FKBP5: variants seen among roughly 807,000 people sequenced by gnomAD.
FKBP5 encodes the protein peptidyl-prolyl cis-trans isomerase FKBP5.
FKBP5 carries 23 observed loss-of-function variants against 50.5 expected under a neutral mutation model. That is an observed-to-expected ratio of 0.46 (90% CI 0.33 to 0.65). The LOEUF is 0.65. Ranked by LOEUF, FKBP5 falls within the 30% of genes least tolerant of loss-of-function variation. FKBP5 has a pLI of 0.02. For synonymous variants in FKBP5, 176 were observed against 190.6 expected (o/e 0.92, Z 0.63); for missense variants, 411 against 553.1 (o/e 0.74, Z 2.58).
rs968586283 is a variant in FKBP5 at position 35,583,227 on chromosome 6, C to T, written c.841-3006G>A. 8.1e-6 allele frequency: 8 copies of T among 985,302 alleles called. No homozygotes were observed. The South Asian group carries it at 2.3e-4, about 29-fold the overall frequency. 61.0% of individuals were successfully genotyped at this position (985,302 alleles called of 1,614,324 possible). On this transcript the variant is annotated intron_variant, in intron 8 of 10. Coordinates refer to ENST00000357266, the MANE Select transcript of FKBP5 (RefSeq NM_004117.4). ...CTGTCATGCCTCATTTCTTCATCCT[C>T]TCTCCTCCTCCCTCTCTAATGCATT...
Position 35,685,982 on chromosome 6 carries a change from C to CAAAAAAAAAAAAAAAAA in FKBP5, c.-20+2805_-20+2821dup, listed in dbSNP as rs60786619. 4.3e-5 allele frequency among the ~76,000 whole-genome samples: 2 copies of CAAAAAAAAAAAAAAAAA among 46,244 alleles called. 1 individual carries two copies. 30.3% of individuals were successfully genotyped at this position (46,244 alleles called of 152,430 possible). A position where few individuals can be genotyped will look rare whatever the true frequency, so the allele number is the denominator to read the frequency against. On this transcript the variant is annotated intron_variant, in intron 1 of 10. Transcript: ENST00000357266. ...GGGCAACAAGAGCAAAACGCCATCTCAAAAAAAAAAAAAAAAAAAAAAGCA... is the reference window on the plus strand; with the variant it reads ...GGGCAACAAGAGCAAAACGCCATCTCAAAAAAAAAAAAAAAAAAAAAAAAAAAAAAAAAAAAAAAGCA...
chr6:35,718,338 AG>A lies in FKBP5; in HGVS notation c.-20+1989del, dbSNP rs1327655847. Among the ~76,000 whole-genome samples, 11 of 152,334 alleles carry A rather than the reference AG, an allele frequency of 7.2e-5. No individual in the cohort carries two copies. In the East Asian group the frequency reaches 1.9e-3, roughly 27 times the overall value. On this transcript the variant is annotated intron_variant, in intron 2 of 11. Coordinates refer to the FKBP5 transcript ENST00000536438. ...AGAAAGCTGAGGCCCAGAGAGAGGA[AG>A]TGTTTCTAAGACCTAGCAGTAGAAA...
intron 1 of FKBP5, among the ~76,000 whole-genome samples, chr6:35,656,833 G>A (rs938823778): frequency 7.6e-5 from 11 of 145,574 alleles, no homozygotes; most frequent in Non-Finnish European, 1.5e-4. Flanking sequence ...GGAGGTGGAG[G>A]TTGCAGTGAG....
chr6:35,626,476 TA>T lies in FKBP5; in HGVS notation c.251-6203del, dbSNP rs532878661. Among the ~76,000 whole-genome samples the T allele has an allele frequency of 2.6e-3, 400 of 152,000 alleles. 2 individuals are homozygous for T. The highest frequency in any genetic ancestry group is 6.9e-3 in the Admixed American group (105 of 15,244). On this transcript the variant is annotated intron_variant, in intron 3 of 10. Transcript: ENST00000357266. ...TACATAATGTTTTCTCCTTGAGTTT[TA>T]AAAAAAACGCTTAATTGTGGGGGGA...
chr6:35,629,075 A>G (rs1214006087), intron 3 of FKBP5, among the ~76,000 whole-genome samples: 1 of 151,708 alleles, frequency 6.6e-6, no homozygotes, highest in African/African-American at 2.4e-5. Context: ...CTCCCTACCA[A>G]TAGTAACTAA....
intron 2 of FKBP5, among the ~76,000 whole-genome samples, chr6:35,711,673 A>C (rs1472401559): frequency 6.6e-6 from 1 of 152,176 alleles, no homozygotes; most frequent in Non-Finnish European, 1.5e-5. Flanking sequence ...AAGAAAAAGA[A>C]ACAGGGAAGC....
At chr6:35,718,758 ACT>A (rs1264487851) in intron 2 of FKBP5, among the ~76,000 whole-genome samples, 1 of 151,780 alleles carries the variant, frequency 6.6e-6, no homozygotes, top group Non-Finnish European at 1.5e-5. Flanking sequence ...AAGCATCATG[ACT>A]CTTCCTTAGC....
At chr6:35,583,203 T>G (rs965341156) in intron 8 of FKBP5, 1 of 985,320 alleles carries the variant, frequency 1.0e-6, no homozygotes, top group African/African-American at 1.7e-5. Context: ...GCATTTCCCC[T>G]GTCATGCCTC....
chr6:35,640,191 C>T (rs905077170), intron 2 of FKBP5, among the ~76,000 whole-genome samples: 3 of 152,180 alleles, frequency 2.0e-5, no homozygotes, highest in Admixed American at 6.5e-5. Flanking sequence ...ATGTGAACAT[C>T]GCAGAGTGTA....
chr6:35,680,774 G>A (rs1392725937), intron 1 of FKBP5, among the ~76,000 whole-genome samples: 1 of 152,192 alleles, frequency 6.6e-6, no homozygotes, highest in Non-Finnish European at 1.5e-5. Flanking sequence ...TAAGTTCTAG[G>A]ATAGTAAAAA....
chr6:35,636,550 GAAT>G (rs1229862627), intron 3 of FKBP5, among the ~76,000 whole-genome samples: 1 of 152,202 alleles, frequency 6.6e-6, no homozygotes, highest in Non-Finnish European at 1.5e-5. Context: ...TTCTGTCACA[GAAT>G]ATCAAAGTGA....
intron 1 of FKBP5, among the ~76,000 whole-genome samples, chr6:35,646,023 C>T (rs887769619): frequency 5.9e-5 from 9 of 152,066 alleles, no homozygotes; most frequent in Non-Finnish European, 1.0e-4. Context: ...GGCTGAGGCA[C>T]AAGAATCACT....
At chr6:35,693,115 A>C (rs1766020858), upstream of FKBP5, among the ~76,000 whole-genome samples, 1 of 137,272 alleles carries the variant, frequency 7.3e-6, no homozygotes, top group African/African-American at 2.7e-5. Flanking sequence ...CTTAAACCCA[A>C]CCATTGAGCT....
chr6:35,595,170 A>G (rs550806975), intron 6 of FKBP5, among the ~76,000 whole-genome samples: 8 of 152,364 alleles, frequency 5.3e-5, no homozygotes, highest in Non-Finnish European at 1.0e-4. Flanking sequence ...TGTAACCACT[A>G]ATGATACAAC....
At chr6:35,679,166 C>A (rs1381770551) in intron 1 of FKBP5, among the ~76,000 whole-genome samples, 1 of 152,144 alleles carries the variant, frequency 6.6e-6, no homozygotes, top group South Asian at 2.1e-4. Flanking sequence ...ATTAAAGAAT[C>A]TGGAGAGGAG....
At chr6:35,653,333 G>A (rs1370098543) in intron 1 of FKBP5, among the ~76,000 whole-genome samples, 2 of 152,168 alleles carry the variant, frequency 1.3e-5, no homozygotes, top group Non-Finnish European at 2.9e-5. Context: ...TCCAGCCTGG[G>A]TAACAAAGAC....
At chr6:35,583,259 C>G (rs1561843537) in intron 8 of FKBP5, 1 of 985,380 alleles carries the variant, frequency 1.0e-6, no homozygotes, top group Non-Finnish European at 1.2e-6. Flanking sequence ...CATTGATTAA[C>G]TTAACTTTTC....
At chr6:35,614,732 G>A (rs1763591574) in intron 5 of FKBP5, among the ~76,000 whole-genome samples, 1 of 152,150 alleles carries the variant, frequency 6.6e-6, no homozygotes, top group South Asian at 2.1e-4. Context: ...CTCACTTCTG[G>A]AGAATGGAGT....
chr6:35,637,800 A>G (rs1399650591), intron 2 of FKBP5, among the ~76,000 whole-genome samples: 1 of 152,142 alleles, frequency 6.6e-6, no homozygotes, highest in Non-Finnish European at 1.5e-5. Flanking sequence ...TAGTCCATAT[A>G]CACACGGACT....
Sources: gnomAD v4.1 joint callset for allele counts (sites outside exome capture counted in the v4.1 genomes callset) on GRCh38, gnomAD v4.1.1 for gene constraint, MANE v1.5 for transcripts, NCBI Gene and HGNC (gene_info 2026-07-23, HGNC 2026-07-21) for gene names.